Variants in ARHGAP24 observed in about 807,000 individuals in gnomAD.
The protein encoded by ARHGAP24 is Rho GTPase activating protein 24.
ARHGAP24 carries 50 observed loss-of-function variants against 76.4 expected under a neutral mutation model. That is an observed-to-expected ratio of 0.65 (90% CI 0.52 to 0.83). ARHGAP24 has a LOEUF of 0.83. Among genes scored for constraint, ARHGAP24 ranks in the 40% least tolerant of loss-of-function variants. The pLI, the probability that ARHGAP24 is intolerant of heterozygous loss-of-function variation, is 0.00. For missense variants in ARHGAP24, 930 were observed against 914.2 expected (o/e 1.02, Z -0.22); for synonymous variants, 345 against 323.3 (o/e 1.07, Z -0.72).
chr4:85,923,913 A>G lies in ARHGAP24; in HGVS notation c.391+143A>G, dbSNP rs1490769733. ...TTGTAAATTGTTCAACATTATTGTT[A>G]GACGTATGTCTTCGTAAATCCTACA... On this transcript the variant is annotated intron_variant, in intron 4 of 9. Coordinates refer to ENST00000395184, the MANE Select transcript of ARHGAP24 (RefSeq NM_001025616.3). 30 of 1,249,746 alleles carry G rather than the reference A, an allele frequency of 2.4e-5. 1 individual carries two copies. Among genetic ancestry groups the G allele is most frequent in the Non-Finnish European group, 3.4e-5 (30 of 887,036 alleles). The allele number at this position is 1,249,746 out of a possible 1,614,324, so 77.4% of individuals were successfully genotyped here. A position where few individuals can be genotyped will look rare whatever the true frequency, so the allele number is the denominator to read the frequency against.
intron 3 of ARHGAP24, among the ~76,000 whole-genome samples, chr4:85,858,592 C>T (rs1731715112): frequency 6.6e-6 from 1 of 152,076 alleles, no homozygotes; most frequent in Non-Finnish European, 1.5e-5. Context: ...TTAAAGAAAA[C>T]ATTATCTGGT....
At chr4:85,602,146 AT>A (rs1390862334) in intron 2 of ARHGAP24, among the ~76,000 whole-genome samples, 4 of 152,178 alleles carry the variant, frequency 2.6e-5, no homozygotes, top group African/African-American at 9.7e-5. Context: ...ATCTTTTTTA[AT>A]TGATCAAAGG....
At chr4:85,816,778 A>G (rs1729260043) in intron 3 of ARHGAP24, among the ~76,000 whole-genome samples, 1 of 152,154 alleles carries the variant, frequency 6.6e-6, no homozygotes, top group Admixed American at 6.5e-5. Flanking sequence ...TTGGATATAT[A>G]CCCAGAAGTG....
intron 2 of ARHGAP24, among the ~76,000 whole-genome samples, chr4:85,721,440 G>A (rs1184219177): frequency 1.3e-5 from 2 of 151,214 alleles, no homozygotes; most frequent in African/African-American, 4.9e-5. Context: ...GAAAGAAAAG[G>A]AAAGAAAGAG....
At chr4:85,881,114 A>G (rs1733227407) in intron 3 of ARHGAP24, among the ~76,000 whole-genome samples, 1 of 152,164 alleles carries the variant, frequency 6.6e-6, no homozygotes, top group Non-Finnish European at 1.5e-5. Flanking sequence ...ATACCGCAAC[A>G]ATCTATCTGC....
At position 85,565,370 on chromosome 4, in the gene ARHGAP24, G is replaced by A. The variant is rs573134803; in HGVS notation, c.-20-5152G>A. On this transcript the variant is annotated intron_variant, in intron 1 of 9. Coordinates refer to ENST00000395184, the MANE Select transcript of ARHGAP24 (RefSeq NM_001025616.3). ...AAGTCCCACAAATCTCTCATAGGTT[G>A]CAGTATTTTACCAACATTGCCAGTT... Among the ~76,000 whole-genome samples, 18 of 152,234 alleles carry A rather than the reference G, an allele frequency of 1.2e-4. No homozygotes were observed. The East Asian group carries it at 3.3e-3, about 28-fold the overall frequency.
intron 4 of ARHGAP24, among the ~76,000 whole-genome samples, chr4:85,935,269 A>G (rs572889347): frequency 4.3e-4 from 65 of 152,348 alleles, no homozygotes; most frequent in African/African-American, 1.5e-3. Context: ...TGGGAATGAG[A>G]AGGTAAACAA....
At chr4:85,714,232 A>G (rs1167010452) in intron 2 of ARHGAP24, among the ~76,000 whole-genome samples, 1 of 152,186 alleles carries the variant, frequency 6.6e-6, no homozygotes, top group African/African-American at 2.4e-5. Flanking sequence ...ACATGGGGTA[A>G]AGGATCCTCC....
intron 1 of ARHGAP24, among the ~76,000 whole-genome samples, chr4:85,512,043 C>G (rs569646760): frequency 6.6e-6 from 1 of 152,138 alleles, no homozygotes; most frequent in Non-Finnish European, 1.5e-5. Context: ...TTATGGCATC[C>G]GTTTAACTAT....
chr4:85,688,545 G>A (rs1723515206), intron 2 of ARHGAP24, among the ~76,000 whole-genome samples: 1 of 152,058 alleles, frequency 6.6e-6, no homozygotes, highest in Non-Finnish European at 1.5e-5. Flanking sequence ...TCTGTTGCTG[G>A]TTTCTTTTCC....
At chr4:85,591,255 A>G (rs1392708224) in intron 2 of ARHGAP24, among the ~76,000 whole-genome samples, 1 of 152,074 alleles carries the variant, frequency 6.6e-6, no homozygotes, top group African/African-American at 2.4e-5. Context: ...CGCTTTGGCC[A>G]GGCTGCTCTG....
At chr4:85,876,634 T>G (rs72970076) in intron 3 of ARHGAP24, among the ~76,000 whole-genome samples, 3,558 of 152,284 alleles carry the variant, frequency 0.023, 146 homozygotes, top group African/African-American at 0.081. Context: ...TTAATAATAT[T>G]AGATATCTTT....
rs749586974 is a variant in ARHGAP24 at position 85,986,132 on chromosome 4, TATC to T, written c.928+8442_928+8444del. 7.9e-5 allele frequency among the ~76,000 whole-genome samples: 12 copies of T among 152,276 alleles called. No homozygotes were observed. In the East Asian group the frequency reaches 1.4e-3, roughly 17 times the overall value. On this transcript the variant is annotated intron_variant, in intron 8 of 9. Coordinates refer to ENST00000395184, the MANE Select transcript of ARHGAP24 (RefSeq NM_001025616.3). ...TTTTTTAAATACTGTCTTTTAAAAT[TATC>T]TTCTACTTGAAAAATTATCTATACA...
At chr4:85,812,063 C>G (rs971652556) in intron 3 of ARHGAP24, among the ~76,000 whole-genome samples, 1 of 152,082 alleles carries the variant, frequency 6.6e-6, no homozygotes, top group East Asian at 1.9e-4. Context: ...GTAGTCCCAG[C>G]TACTCAGGAG....
chr4:85,699,742 A>G (rs928152467), intron 2 of ARHGAP24, among the ~76,000 whole-genome samples: 12 of 152,084 alleles, frequency 7.9e-5, no homozygotes, highest in African/African-American at 2.4e-5. Flanking sequence ...AGTCATTATC[A>G]TCTTCTAAGG....
chr4:85,587,345 A>G (rs1185599959), intron 2 of ARHGAP24, among the ~76,000 whole-genome samples: 1 of 152,204 alleles, frequency 6.6e-6, no homozygotes, highest in African/African-American at 2.4e-5. Flanking sequence ...TAGTTAGAAT[A>G]GAGATAAGTT....
rs190192545 is a variant in ARHGAP24, at chr4:85,879,241, T to G, written c.269-44407T>G. 1.9e-4 allele frequency among the ~76,000 whole-genome samples: 29 copies of G among 152,302 alleles called. No homozygotes were observed. In the East Asian group the frequency reaches 4.4e-3, roughly 23 times the overall value. On this transcript the variant is annotated intron_variant, in intron 3 of 9. Transcript: ENST00000395184. The stretch of plus-strand genomic sequence containing the variant: ...GTGTTCCATGAACATATCAGTTATA[T>G]TACATGAATAATGGAAATCACTCTG...
intron 3 of ARHGAP24, among the ~76,000 whole-genome samples, chr4:85,869,055 G>A (rs749487236): frequency 1.9e-4 from 29 of 151,954 alleles, no homozygotes; most frequent in Non-Finnish European, 3.2e-4. Flanking sequence ...ACTACTTCCT[G>A]CTGCCTAAAA....
chr4:85,973,833 G>GTCTTTTTTTTTTT (rs1739136852), intron 6 of ARHGAP24, among the ~76,000 whole-genome samples: 1 of 42,820 alleles, frequency 2.3e-5, no homozygotes, highest in Non-Finnish European at 4.1e-5. Flanking sequence ...GCTGCCTATT[G>GTCTTTTTTTTTTT]TTTTTTTTTT....
Sources: gnomAD v4.1 joint callset for allele counts (sites outside exome capture counted in the v4.1 genomes callset) on GRCh38, gnomAD v4.1.1 for gene constraint, MANE v1.5 for transcripts, NCBI Gene and HGNC (gene_info 2026-07-23, HGNC 2026-07-21) for gene names.